CCDC85A: variants seen among roughly 807,000 people sequenced by gnomAD.
CCDC85A encodes coiled-coil domain-containing protein 85A.
Under a neutral mutation model 50.2 loss-of-function variants are expected in CCDC85A, and 38 were observed. That is an observed-to-expected ratio of 0.76 (90% CI 0.58 to 0.99). The LOEUF (loss-of-function observed/expected upper bound fraction) is 0.99, where lower values mean the gene tolerates loss of function less well. Ranked by LOEUF, CCDC85A falls within the 50% of genes least tolerant of loss-of-function variation. The pLI, the probability that CCDC85A is intolerant of heterozygous loss-of-function variation, is 0.00. For missense variants in CCDC85A, 820 were observed against 742.0 expected (o/e 1.11, Z -1.22); for synonymous variants, 366 against 301.4 (o/e 1.21, Z -2.22).
At chr2:56,268,966 A>T (rs1670579655) in intron 2 of CCDC85A, among the ~76,000 whole-genome samples, 1 of 152,214 alleles carries the variant, frequency 6.6e-6, no homozygotes, top group Admixed American at 6.5e-5. Flanking sequence ...TTGGAAAATT[A>T]TCAAGTTTCT....
chr2:56,275,479 CCTTACACCAGCTATTTAACATCAT>C (rs1670891206), intron 2 of CCDC85A, among the ~76,000 whole-genome samples: 5 of 66,972 alleles, frequency 7.5e-5, no homozygotes, highest in South Asian at 8.4e-4. Flanking sequence ...ATCATATAGA[CCTTACACCAGCTATTTAACATCAT>C]ATAGACCACT....
intron 4 of CCDC85A, among the ~76,000 whole-genome samples, chr2:56,372,776 A>G (rs1676141819): frequency 6.6e-6 from 1 of 152,204 alleles, no homozygotes; most frequent in Non-Finnish European, 1.5e-5. Flanking sequence ...CTTGAAAATC[A>G]TGTCTCTAGA....
At chr2:56,379,759 G>A (rs992175749) in intron 5 of CCDC85A, 4 of 981,936 alleles carry the variant, frequency 4.1e-6, no homozygotes, top group Middle Eastern at 5.2e-4. Flanking sequence ...GGTCTTGGAT[G>A]TTCAGGAAAC....
intron 3 of CCDC85A, among the ~76,000 whole-genome samples, chr2:56,351,198 C>T (rs2104344320): frequency 6.6e-6 from 1 of 151,888 alleles, no homozygotes; most frequent in Non-Finnish European, 1.5e-5. Flanking sequence ...TTTTTTATGG[C>T]TGCATAGTAT....
At chr2:56,314,027 G>A (rs1030916622) in intron 2 of CCDC85A, among the ~76,000 whole-genome samples, 1 of 150,352 alleles carries the variant, frequency 6.7e-6, no homozygotes, top group Admixed American at 6.7e-5. Flanking sequence ...GTTGTCAGGG[G>A]GATTCTGGAA....
At chr2:56,196,479 G>T (rs1052766016) in intron 2 of CCDC85A, among the ~76,000 whole-genome samples, 3 of 152,294 alleles carry the variant, frequency 2.0e-5, no homozygotes, top group Non-Finnish European at 4.4e-5. Context: ...GAGAATGGGG[G>T]TTTCACTTAC....
intron 2 of CCDC85A, among the ~76,000 whole-genome samples, chr2:56,304,779 C>T (rs1327313948): frequency 7.2e-5 from 11 of 151,838 alleles, no homozygotes; most frequent in African/African-American, 9.7e-5. Flanking sequence ...CTGGGCGCAG[C>T]GGCTCACACC....
intron 2 of CCDC85A, among the ~76,000 whole-genome samples, chr2:56,260,840 T>C (rs953281593): frequency 1.3e-5 from 2 of 152,258 alleles, no homozygotes; most frequent in African/African-American, 4.8e-5. Flanking sequence ...GTTGGCTAAC[T>C]GTCTTATTTA....
At chr2:56,206,151 T>G (rs1420009085) in intron 2 of CCDC85A, among the ~76,000 whole-genome samples, 2 of 152,140 alleles carry the variant, frequency 1.3e-5, no homozygotes, top group Admixed American at 1.3e-4. Context: ...AAGGCCAGAT[T>G]ACCTAGGGAA....
At chr2:56,288,048 G>A (rs956541738) in intron 2 of CCDC85A, among the ~76,000 whole-genome samples, 7 of 152,134 alleles carry the variant, frequency 4.6e-5, no homozygotes, top group East Asian at 1.9e-4. Flanking sequence ...AGAGCCTGGC[G>A]TCAGCTTCAC....
intron 2 of CCDC85A, among the ~76,000 whole-genome samples, chr2:56,314,837 A>G (rs1558636798): frequency 6.6e-6 from 1 of 152,086 alleles, no homozygotes; most frequent in African/African-American, 2.4e-5. Context: ...TGAGAGTTAT[A>G]GTATAGACGC....
intron 2 of CCDC85A, among the ~76,000 whole-genome samples, chr2:56,341,617 T>C (rs1674375212): frequency 6.6e-6 from 1 of 152,238 alleles, no homozygotes; most frequent in Admixed American, 6.5e-5. Context: ...AGAAATAAAA[T>C]TTTACTTTTC....
intron 2 of CCDC85A, among the ~76,000 whole-genome samples, chr2:56,274,846 C>T (rs542766707): frequency 1.3e-5 from 2 of 152,216 alleles, no homozygotes; most frequent in South Asian, 4.1e-4. Flanking sequence ...ATCAAGACTG[C>T]TAGCAAGGTC....
chr2:56,283,677 A>G (rs1256947512), intron 2 of CCDC85A, among the ~76,000 whole-genome samples: 1 of 152,150 alleles, frequency 6.6e-6, no homozygotes, highest in Non-Finnish European at 1.5e-5. Context: ...AATCTATTTC[A>G]TTTACATTAG....
intron 3 of CCDC85A, among the ~76,000 whole-genome samples, chr2:56,364,814 C>T (rs1267078187): frequency 3.9e-5 from 6 of 152,128 alleles, no homozygotes; most frequent in Non-Finnish European, 7.3e-5. Context: ...CTTTTAATTT[C>T]TTCTGCTATT....
intron 2 of CCDC85A, among the ~76,000 whole-genome samples, chr2:56,296,843 A>T (rs894601580): frequency 1.3e-5 from 2 of 152,232 alleles, no homozygotes; most frequent in Non-Finnish European, 2.9e-5. Context: ...TATTTAAAAT[A>T]GGCCAGAAAT....
chr2:56,247,836 T>G (rs547006951), intron 2 of CCDC85A, among the ~76,000 whole-genome samples: 54 of 152,340 alleles, frequency 3.5e-4, no homozygotes, highest in African/African-American at 1.3e-3. Flanking sequence ...AAAGAATACA[T>G]TGATTCAAAT....
chr2:56,266,840 G>A (rs1670470993), intron 2 of CCDC85A, among the ~76,000 whole-genome samples: 1 of 152,136 alleles, frequency 6.6e-6, no homozygotes. Flanking sequence ...ATAGTATCAA[G>A]TTGTTCAAAT....
chr2:56,229,285 A>G (rs759790767), intron 2 of CCDC85A, among the ~76,000 whole-genome samples: 4 of 152,204 alleles, frequency 2.6e-5, no homozygotes, highest in Non-Finnish European at 4.4e-5. Flanking sequence ...TAAGACGTAG[A>G]CTTATGTCTG....
Sources: allele counts gnomAD v4.1 joint callset (sites outside exome capture counted in the v4.1 genomes callset), GRCh38; gene constraint gnomAD v4.1.1; transcripts MANE v1.5; gene names NCBI Gene and HGNC (gene_info 2026-07-23, HGNC 2026-07-21).